Variants in PRKCH observed in about 807,000 individuals in gnomAD.
PRKCH encodes protein kinase C eta.
PRKCH carries 28 observed loss-of-function variants against 82.5 expected under a neutral mutation model. The observed-to-expected ratio is 0.34, with a 90% CI of 0.25 to 0.47. The LOEUF is 0.47. PRKCH is among the 20% of genes least tolerant of loss of function. The probability of loss-of-function intolerance (pLI) is 1.00; values close to 1 mark genes in which losing one functional copy is unlikely to be tolerated. For missense variants in PRKCH, 705 were observed against 881.8 expected (o/e 0.80, Z 2.54); for synonymous variants, 322 against 327.4 (o/e 0.98, Z 0.18).
intron 10 of PRKCH, among the ~76,000 whole-genome samples, chr14:61,491,236 T>G (rs143654120): frequency 6.6e-6 from 1 of 152,226 alleles, no homozygotes; most frequent in Non-Finnish European, 1.5e-5. Flanking sequence ...TAGATAAAGA[T>G]GAAAGTAAAA....
intron 1 of PRKCH, among the ~76,000 whole-genome samples, chr14:61,326,749 TG>T (rs764624774): frequency 2.6e-5 from 4 of 152,194 alleles, no homozygotes; most frequent in African/African-American, 4.8e-5. Context: ...TTTATGAGAA[TG>T]GGAGCGTAGA....
chr14:61,510,470 T>C (rs1001264023), intron 10 of PRKCH, among the ~76,000 whole-genome samples: 3 of 151,704 alleles, frequency 2.0e-5, no homozygotes, highest in Non-Finnish European at 2.9e-5. Flanking sequence ...GATGATGTGG[T>C]TGGGGGACCA....
At chr14:61,392,690 G>A (rs894170163) in intron 2 of PRKCH, among the ~76,000 whole-genome samples, 1 of 152,016 alleles carries the variant, frequency 6.6e-6, no homozygotes, top group African/African-American at 2.4e-5. Context: ...TCTGTGGCTT[G>A]CCTTTTCATT....
chr14:61,261,314 C>G (rs998139179), intron 1 of PRKCH, among the ~76,000 whole-genome samples: 4 of 152,354 alleles, frequency 2.6e-5, no homozygotes, highest in African/African-American at 9.6e-5. Context: ...GTTGAAGCAG[C>G]ATGGGTGGCT....
rs60774540 is a variant in PRKCH at position 61,203,222 on chromosome 14, C to G, written c.-19+15554C>G. 7.6e-3 allele frequency among the ~76,000 whole-genome samples: 1,153 copies of G among 152,128 alleles called. 14 individuals are homozygous for G. Among genetic ancestry groups the G allele is most frequent in the African/African-American group, 0.026 (1,063 of 41,466 alleles). On this transcript the variant is annotated intron_variant, in intron 1 of 3. Coordinates refer to the PRKCH transcript ENST00000555185. ...ACTACCGCCACTTGTCAGGGGAAAACCCAGACAGGATGAGATCCACATTCC... is the reference window on the plus strand; with the variant it reads ...ACTACCGCCACTTGTCAGGGGAAAAGCCAGACAGGATGAGATCCACATTCC...
At chr14:61,424,891 C>T (rs1366843322) in intron 2 of PRKCH, among the ~76,000 whole-genome samples, 1 of 152,252 alleles carries the variant, frequency 6.6e-6, no homozygotes, top group African/African-American at 2.4e-5. Flanking sequence ...TTCCCAGCCA[C>T]TCCAGTCATG....
chr14:61,254,001 C>T (rs1401559082), intron 1 of PRKCH, among the ~76,000 whole-genome samples: 1 of 135,320 alleles, frequency 7.4e-6, no homozygotes, highest in Non-Finnish European at 1.6e-5. Flanking sequence ...CTCCCTCCCT[C>T]CCTCCCTCCC....
At position 61,422,875 on chromosome 14, in the gene PRKCH, G is replaced by A. The variant is rs547962809; in HGVS notation, c.428-20236G>A. On this transcript the variant is annotated intron_variant, in intron 2 of 13. Coordinates refer to ENST00000332981, the MANE Select transcript of PRKCH (RefSeq NM_006255.5). ...TTATACATTATGTGTGTGCACACAC[G>A]TATGCACACACCCCCACATACTTGA... is the stretch of plus-strand genomic sequence containing the variant. Among the ~76,000 whole-genome samples, 5 of 152,198 alleles carry A rather than the reference G, an allele frequency of 3.3e-5. No homozygotes were observed. The East Asian group carries it at 7.7e-4, about 24-fold the overall frequency.
At position 61,457,289 on chromosome 14, in the gene PRKCH, C is replaced by A; in HGVS notation, c.1074C>A (p.Ile358=). 1 of 1,614,128 alleles carries A rather than the reference C, an allele frequency of 6.2e-7. No individual in the cohort carries two copies. Among genetic ancestry groups the A allele is most frequent in the Non-Finnish European group, 8.5e-7 (1 of 1,180,028 alleles). Residue 358 remains isoleucine, a synonymous_variant, in exon 8 of 14, where the codon ATC becomes ATA. Transcript: ENST00000332981. Reference sequence around the variant, plus strand: ...TTGGTATCGACAACTTTGAGTTCATCCGAGTGTTGGGGAAGGGGAGTTTTG... The same window carrying A: ...TTGGTATCGACAACTTTGAGTTCATACGAGTGTTGGGGAAGGGGAGTTTTG... ...NRLGIDNFEF[I]RVLGKGSFGK... is the part of the protein sequence containing the mutation.
chr14:61,268,667 C>A (rs531625516), intron 1 of PRKCH, among the ~76,000 whole-genome samples: 5 of 152,106 alleles, frequency 3.3e-5, no homozygotes, highest in African/African-American at 9.6e-5. Flanking sequence ...GACGCTGCCC[C>A]CTGCCAAAAA....
chr14:61,497,094 T>C (rs1886702189), intron 10 of PRKCH, among the ~76,000 whole-genome samples: 1 of 152,190 alleles, frequency 6.6e-6, no homozygotes, highest in Non-Finnish European at 1.5e-5. Context: ...ACATATTTAT[T>C]TGGATCTGAC....
Position 61,240,134 on chromosome 14 carries a change from C to T in PRKCH, c.-19+52466C>T, listed in dbSNP as rs1334053055. Among the ~76,000 whole-genome samples, 4 of 151,528 alleles carry T rather than the reference C, an allele frequency of 2.6e-5. 1 individual carries two copies. The highest frequency in any genetic ancestry group is 9.7e-5 in the African/African-American group (4 of 41,380). ...AGTGACTGTAGAAACACCGTGGGTC[C>T]TTTGTCTCACACTGATAAGATTGAC... On this transcript the variant is annotated intron_variant, in intron 1 of 3. Transcript: ENST00000555185.
At chr14:61,446,268 T>C (rs1884220286) in intron 4 of PRKCH, among the ~76,000 whole-genome samples, 1 of 151,948 alleles carries the variant, frequency 6.6e-6, no homozygotes, top group African/African-American at 2.4e-5. Flanking sequence ...CAATCTAAGA[T>C]GAAACCAATT....
chr14:61,391,259 T>C lies in PRKCH; in HGVS notation c.398T>C (p.Val133Ala). 1 of 1,611,280 alleles carries C rather than the reference T, an allele frequency of 6.2e-7. No individual in the cohort carries two copies. The change falls in exon 2 of 14, where the codon GTA (valine) becomes GCA (alanine). Residue 133 changes from valine (V) to alanine (A), a missense_variant. Coordinates refer to ENST00000332981, the MANE Select transcript of PRKCH (RefSeq NM_006255.5). The stretch of plus-strand genomic sequence containing the variant: ...GAGCCAGAGGGGAAAGTATTTGTGG[T>C]AATAACCCTTACCGGGAGTTTCACT... ...DLEPEGKVFV[V>A]ITLTGSFTEA... is the part of the protein sequence containing the mutation.
intron 1 of PRKCH, among the ~76,000 whole-genome samples, chr14:61,253,227 AC>A (rs1177692243): frequency 1.3e-5 from 2 of 152,184 alleles, no homozygotes; most frequent in Non-Finnish European, 2.9e-5. Flanking sequence ...TATATTCTGC[AC>A]CCAGGTTCTA....
intron 1 of PRKCH, among the ~76,000 whole-genome samples, chr14:61,252,709 A>C (rs1165558103): frequency 6.6e-6 from 1 of 152,256 alleles, no homozygotes; most frequent in Non-Finnish European, 1.5e-5. Flanking sequence ...ATAAGAAGTG[A>C]CCAATTTATT....
At chr14:61,413,297 C>T (rs942481720) in intron 2 of PRKCH, among the ~76,000 whole-genome samples, 3 of 151,714 alleles carry the variant, frequency 2.0e-5, no homozygotes, top group South Asian at 2.1e-4. Flanking sequence ...GCACCTCAAA[C>T]GACTGCAAAC....
At chr14:61,206,211 G>T (rs772818323) in intron 1 of PRKCH, among the ~76,000 whole-genome samples, 1 of 152,204 alleles carries the variant, frequency 6.6e-6, no homozygotes, top group Non-Finnish European at 1.5e-5. Flanking sequence ...TAAAGCAACT[G>T]AATTTATCTT....
intron 2 of PRKCH, among the ~76,000 whole-genome samples, chr14:61,399,983 G>C (rs74057703): frequency 0.026 from 3,996 of 152,252 alleles, 184 homozygotes; most frequent in African/African-American, 0.091. Flanking sequence ...ATATACATTT[G>C]TCCTGGGGAG....
Sources: allele counts gnomAD v4.1 joint callset (sites outside exome capture counted in the v4.1 genomes callset), GRCh38; gene constraint gnomAD v4.1.1; transcripts MANE v1.5; gene names NCBI Gene and HGNC (gene_info 2026-07-23, HGNC 2026-07-21).